The following PLD5 variants were observed in gnomAD, a reference collection of about 807,000 sequenced individuals.
PLD5 encodes phospholipase D family member 5, also known as inactive phospholipase D5.
PLD5 carries 36 observed loss-of-function variants against 61.1 expected under a neutral mutation model. The ratio of observed to expected loss-of-function variants is 0.59; its 90% confidence interval spans 0.45 to 0.78. PLD5 has a LOEUF of 0.78. PLD5 is among the 30% of genes least tolerant of loss of function. The pLI is 0.00. For missense variants in PLD5, 515 were observed against 644.4 expected (o/e 0.80, Z 2.17); for synonymous variants, 243 against 242.8 (o/e 1.00, Z -0.01).
Position 242,332,464 on chromosome 1 carries a change from C to T in PLD5, c.326+15642G>A, listed in dbSNP as rs181439586. Among the ~76,000 whole-genome samples the T allele has an allele frequency of 2.4e-3, 371 of 152,300 alleles. 3 individuals carry two copies. Among genetic ancestry groups the T allele is most frequent in the African/African-American group, 8.4e-3 (350 of 41,566 alleles). On this transcript the variant is annotated intron_variant, in intron 2 of 9. Transcript: ENST00000536534. The stretch of plus-strand genomic sequence containing the variant: ...GATCCTTGAGGAATTGCCACACTGT[C>T]TTCCATAATGGTTGAACTAATTTAC...
intron 1 of PLD5, among the ~76,000 whole-genome samples, chr1:242,491,832 T>C (rs1175294071): frequency 6.6e-6 from 1 of 152,222 alleles, no homozygotes; most frequent in Non-Finnish European, 1.5e-5. Flanking sequence ...TCCATGAAAC[T>C]GTTGGAGTAA....
At chr1:242,469,699 T>C (rs749824238) in intron 1 of PLD5, among the ~76,000 whole-genome samples, 1 of 152,108 alleles carries the variant, frequency 6.6e-6, no homozygotes, top group Admixed American at 6.5e-5. Context: ...TTTTTAGACA[T>C]GGGGTCTTGC....
intron 2 of PLD5, among the ~76,000 whole-genome samples, chr1:242,323,112 C>T (rs1428290245): frequency 6.6e-6 from 1 of 151,498 alleles, no homozygotes; most frequent in Non-Finnish European, 1.5e-5. Context: ...AATTATTTAA[C>T]ATAAATCTTC....
intron 1 of PLD5, among the ~76,000 whole-genome samples, chr1:242,389,712 C>T (rs1316845018): frequency 6.6e-6 from 1 of 151,994 alleles, no homozygotes; most frequent in East Asian, 1.9e-4. Flanking sequence ...TATTCATCCA[C>T]TCCAGCAGCC....
At chr1:242,250,852 A>G (rs1370613908) in intron 4 of PLD5, among the ~76,000 whole-genome samples, 2 of 152,180 alleles carry the variant, frequency 1.3e-5, no homozygotes, top group Non-Finnish European at 2.9e-5. Context: ...AGAAATGATA[A>G]AGGCCTAAGT....
chr1:242,463,017 G>A lies in PLD5; in HGVS notation c.189+61071C>T, dbSNP rs115226808. ...CACTTTCAATACCCTTCTCCTCCAC[G>A]CTGCCTCCACTACTCACTTCCGTGT... On this transcript the variant is annotated intron_variant, in intron 1 of 9. Coordinates refer to ENST00000536534, the MANE Select transcript of PLD5 (RefSeq NM_001372062.1). 9.8e-3 allele frequency among the ~76,000 whole-genome samples: 1,489 copies of A among 152,040 alleles called. 30 individuals carry two copies. Among genetic ancestry groups the A allele is most frequent in the African/African-American group, 0.034 (1,418 of 41,458 alleles).
intron 1 of PLD5, among the ~76,000 whole-genome samples, chr1:242,482,842 A>G (rs1667828425): frequency 6.6e-6 from 1 of 152,262 alleles, no homozygotes; most frequent in Non-Finnish European, 1.5e-5. Context: ...GAAGCCCATC[A>G]CACTAATAGC....
intron 1 of PLD5, among the ~76,000 whole-genome samples, chr1:242,371,574 T>C (rs1422111151): frequency 6.6e-6 from 1 of 152,054 alleles, no homozygotes; most frequent in Non-Finnish European, 1.5e-5. Flanking sequence ...ATTTATCCCT[T>C]CACCACTTTC....
intron 2 of PLD5, among the ~76,000 whole-genome samples, chr1:242,311,384 T>A (rs1171169092): frequency 3.9e-5 from 6 of 152,150 alleles, no homozygotes; most frequent in Non-Finnish European, 8.8e-5. Context: ...TTAAAGACAT[T>A]TCTGATTCAG....
chr1:242,415,368 A>G (rs898415802), intron 1 of PLD5, among the ~76,000 whole-genome samples: 7 of 152,196 alleles, frequency 4.6e-5, no homozygotes, highest in African/African-American at 1.7e-4. Flanking sequence ...AGTAGACTCA[A>G]TTACGGAACA....
intron 1 of PLD5, among the ~76,000 whole-genome samples, chr1:242,382,024 G>A (rs1662307281): frequency 6.6e-6 from 1 of 151,878 alleles, no homozygotes; most frequent in Admixed American, 6.6e-5. Context: ...GAACTGGAGA[G>A]GTAGCCGACG....
At chr1:242,509,304 A>G (rs1259393245) in intron 1 of PLD5, among the ~76,000 whole-genome samples, 2 of 152,000 alleles carry the variant, frequency 1.3e-5, no homozygotes, top group Non-Finnish European at 2.9e-5. Flanking sequence ...GCTTGAACCC[A>G]GGAGGTGGAG....
intron 1 of PLD5, among the ~76,000 whole-genome samples, chr1:242,357,760 T>C (rs1040346302): frequency 2.6e-5 from 4 of 152,134 alleles, no homozygotes; most frequent in Non-Finnish European, 5.9e-5. Flanking sequence ...GTGCTGGGAT[T>C]ACAGACATGA....
At chr1:242,490,958 T>C (rs930339417) in intron 1 of PLD5, among the ~76,000 whole-genome samples, 3 of 152,194 alleles carry the variant, frequency 2.0e-5, no homozygotes, top group African/African-American at 7.2e-5. Context: ...CAGGAGCTTC[T>C]TGCACACCAG....
intron 5 of PLD5, among the ~76,000 whole-genome samples, chr1:242,183,605 A>G (rs538550369): frequency 1.9e-4 from 29 of 152,226 alleles, no homozygotes; most frequent in African/African-American, 2.6e-4. Flanking sequence ...AAGCCAAAAC[A>G]AACACCTAGG....
chr1:242,332,046 C>T (rs539843237), intron 2 of PLD5, among the ~76,000 whole-genome samples: 3 of 152,218 alleles, frequency 2.0e-5, no homozygotes, highest in East Asian at 3.9e-4. Context: ...AGCCTCCCAC[C>T]CCCTGACAGA....
chr1:242,101,754 T>C (rs1660710627), intron 8 of PLD5, among the ~76,000 whole-genome samples: 1 of 152,122 alleles, frequency 6.6e-6, no homozygotes, highest in Non-Finnish European at 1.5e-5. Flanking sequence ...TTTGAGGAAA[T>C]AATGAGAGTT....
intron 5 of PLD5, among the ~76,000 whole-genome samples, chr1:242,162,014 T>TAGTTATTGCCTATTTG (rs1417536971): frequency 2.6e-5 from 4 of 152,148 alleles, no homozygotes; most frequent in Admixed American, 6.5e-5. Flanking sequence ...TTTCAAAGGC[T>TAGTTATTGCCTATTTG]AGTTATTGCC....
At chr1:242,233,028 C>T (rs560368339) in intron 4 of PLD5, among the ~76,000 whole-genome samples, 11 of 152,124 alleles carry the variant, frequency 7.2e-5, no homozygotes, top group Non-Finnish European at 1.5e-4. Context: ...GTGGCAGGAG[C>T]CTGTAATCCC....
Sources: allele counts gnomAD v4.1 joint callset (sites outside exome capture counted in the v4.1 genomes callset), GRCh38; gene constraint gnomAD v4.1.1; transcripts MANE v1.5; gene names NCBI Gene and HGNC (gene_info 2026-07-23, HGNC 2026-07-21).